SUFU: variants seen among roughly 807,000 people sequenced by gnomAD.
The protein encoded by SUFU is SUFU negative regulator of hedgehog signaling.
SUFU carries 7 observed loss-of-function variants against 58.9 expected under a neutral mutation model. The ratio of observed to expected loss-of-function variants is 0.12; its 90% CI spans 0.07 to 0.22. The LOEUF (loss-of-function observed/expected upper bound fraction) is 0.22, where lower values mean the gene tolerates loss of function less well. Ranked by LOEUF, SUFU falls within the 10% of genes least tolerant of loss-of-function variation. SUFU has a pLI of 1.00. For synonymous variants in SUFU, 232 were observed against 254.8 expected (o/e 0.91, Z 0.85); for missense variants, 451 against 641.3 (o/e 0.70, Z 3.20).
intron 2 of SUFU, 87 bp downstream of exon 2, chr10:102,509,390 A>G: frequency 1.9e-6 from 3 of 1,566,438 alleles, no homozygotes; most frequent in Non-Finnish European, 2.6e-6. Flanking sequence ...TGCTGTGAGC[A>G]TGGTACTTCT....
At chr10:102,620,768 C>T (rs569848264) in intron 10 of SUFU, among the ~76,000 whole-genome samples, 32 of 152,178 alleles carry the variant, frequency 2.1e-4, no homozygotes, top group Non-Finnish European at 4.3e-4. Flanking sequence ...CTCCCTTGAG[C>T]CTGTCAACAC....
chr10:102,590,053 A>G (rs1258310623), intron 3 of SUFU, among the ~76,000 whole-genome samples: 1 of 149,054 alleles, frequency 6.7e-6, no homozygotes, highest in African/African-American at 2.5e-5. Flanking sequence ...TCTGTATTAC[A>G]TTGATTTTCT....
chr10:102,535,439 T>C (rs1356217367), intron 2 of SUFU, among the ~76,000 whole-genome samples: 2 of 150,830 alleles, frequency 1.3e-5, no homozygotes, highest in Non-Finnish European at 2.9e-5. Context: ...TGAGCCCAGA[T>C]TGCACCACTG....
rs1378925159 is a variant in SUFU at position 102,580,027 on chromosome 10, G to GCCCCC, written c.455-12554_455-12553insCCCCC. ...GAATCTGTTTTGGGTCTCCTCCCCC[G>GCCCCC]CACCCCCCCCCCGCCCCCAGTTTGT... is the stretch of plus-strand genomic sequence containing the variant. On this transcript the variant is annotated intron_variant, in intron 3 of 11. Coordinates refer to ENST00000369902, the MANE Select transcript of SUFU (RefSeq NM_016169.4). Among the ~76,000 whole-genome samples, 176 of 41,786 alleles carry GCCCCC rather than the reference G, an allele frequency of 4.2e-3. 1 individual carries two copies. The highest frequency in any genetic ancestry group is 5.4e-3 in the Non-Finnish European group (111 of 20,480). 27.4% of individuals were successfully genotyped at this position (41,786 alleles called of 152,430 possible).
chr10:102,598,788 T>C (rs1435490238), intron 7 of SUFU, among the ~76,000 whole-genome samples: 2 of 152,200 alleles, frequency 1.3e-5, no homozygotes, highest in Non-Finnish European at 2.9e-5. Flanking sequence ...CAAATCTCAA[T>C]ACAGGGGACC....
intron 3 of SUFU, among the ~76,000 whole-genome samples, chr10:102,569,869 A>G (rs2135798710): frequency 6.6e-6 from 1 of 152,352 alleles, no homozygotes; most frequent in South Asian, 2.1e-4. Context: ...TCTATGAGGA[A>G]TGACTATAAA....
At chr10:102,527,669 T>C (rs1039563906) in intron 2 of SUFU, among the ~76,000 whole-genome samples, 2 of 152,166 alleles carry the variant, frequency 1.3e-5, no homozygotes, top group Non-Finnish European at 2.9e-5. Flanking sequence ...GGGAATATTA[T>C]TACCATTTAG....
rs1039565610 is a variant in SUFU at position 102,619,383 on chromosome 10, C to T, written c.1296+1955C>T. On this transcript the variant is annotated intron_variant, in intron 10 of 11. Coordinates refer to ENST00000369902, the MANE Select transcript of SUFU (RefSeq NM_016169.4). The surrounding 1 kb of genome is among the most constrained non-coding windows in gnomAD (Gnocchi z 4.2). ...CATGGTCCCCTCCCATGGGCTGTTG[C>T]CCAGGGAACCGGGGCGCGGTGGGAA... 12 of 1,394,530 alleles carry T rather than the reference C, an allele frequency of 8.6e-6. No homozygotes were observed. The highest frequency in any genetic ancestry group is 1.1e-5 in the Non-Finnish European group (12 of 1,074,332). 86.4% of individuals were successfully genotyped at this position (1,394,530 alleles called of 1,614,324 possible).
At chr10:102,627,274 G>C in intron 11 of SUFU, 31 bp downstream of exon 11, 1 of 1,596,520 alleles carries the variant, frequency 6.3e-7, no homozygotes, top group Non-Finnish European at 8.6e-7. Flanking sequence ...CTGACAACAG[G>C]TCCCGTCTCT....
rs566110999 is a variant in SUFU, at chr10:102,600,366, A to G, written c.1022+822A>G. 1.7e-4 allele frequency among the ~76,000 whole-genome samples: 26 copies of G among 152,318 alleles called. 1 individual carries two copies. The South Asian group carries it at 5.0e-3, about 29-fold the overall frequency. On this transcript the variant is annotated intron_variant, in intron 8 of 11. Transcript: ENST00000369902. ...GACCAGGGTGATCTAGCCTTCTTCT[A>G]TGAAGTCTTTATTACACATTTGCTG...
chr10:102,527,462 ATAG>A (rs1214037562), intron 2 of SUFU, among the ~76,000 whole-genome samples: 1 of 151,374 alleles, frequency 6.6e-6, no homozygotes, highest in Non-Finnish European at 1.5e-5. Context: ...CAAAAAGGAA[ATAG>A]TAGCAAAAGT....
chr10:102,607,060 A>AT (rs34836365), intron 8 of SUFU, among the ~76,000 whole-genome samples: 63,772 of 143,890 alleles, frequency 0.44, 14,179 homozygotes, highest in East Asian at 0.66. Flanking sequence ...GGTAAGAGTA[A>AT]TTTTTTTTTT....
At chr10:102,578,984 A>G (rs897041292) in intron 3 of SUFU, among the ~76,000 whole-genome samples, 1 of 152,136 alleles carries the variant, frequency 6.6e-6, no homozygotes, top group Non-Finnish European at 1.5e-5. Flanking sequence ...GCTCAGTTAC[A>G]AGCTTGTGGG....
intron 2 of SUFU, among the ~76,000 whole-genome samples, chr10:102,549,456 C>G (rs1313634804): frequency 6.6e-6 from 1 of 152,198 alleles, no homozygotes; most frequent in African/African-American, 2.4e-5. Flanking sequence ...TATCTCCCAC[C>G]TGGTTCCTCC....
chr10:102,607,580 C>T (rs1358686564), intron 8 of SUFU, among the ~76,000 whole-genome samples: 7 of 152,132 alleles, frequency 4.6e-5, no homozygotes, highest in Admixed American at 4.6e-4. Context: ...GAGCTAAAAG[C>T]TCATCTTCCC....
intron 10 of SUFU, among the ~76,000 whole-genome samples, chr10:102,624,025 C>G (rs1432932738): frequency 6.6e-6 from 1 of 152,192 alleles, no homozygotes; most frequent in African/African-American, 2.4e-5. Context: ...ACCTCCCTAG[C>G]AGAACTGCCA....
chr10:102,523,299 C>T (rs369743193), intron 2 of SUFU, among the ~76,000 whole-genome samples: 7 of 152,294 alleles, frequency 4.6e-5, no homozygotes, highest in Admixed American at 6.5e-5. Context: ...CTAGTACTAA[C>T]CCTCATGTGA....
chr10:102,504,026 G>C lies in SUFU; in HGVS notation c.-127G>C. The C allele has an allele frequency of 6.1e-6, 8 of 1,318,548 alleles. No individual in the cohort carries two copies. The highest frequency in any genetic ancestry group is 8.0e-6 in the Non-Finnish European group (8 of 999,522). 81.7% of individuals were successfully genotyped at this position (1,318,548 alleles called of 1,614,324 possible). ...ACAGTGCGCCGTGCGCAGGCGCGGA[G>C]CTAGACCTCGCTGCAGCCCCCATCG... On this transcript the variant is annotated 5_prime_UTR_variant, in exon 1 of 12. Transcript: ENST00000369902.
At chr10:102,578,151 C>CA (rs1363055705) in intron 3 of SUFU, among the ~76,000 whole-genome samples, 4 of 147,284 alleles carry the variant, frequency 2.7e-5, no homozygotes, top group African/African-American at 5.0e-5. Flanking sequence ...ACTAAAAATA[C>CA]AAAAAAATTA....
Sources: allele counts gnomAD v4.1 joint callset (sites outside exome capture counted in the v4.1 genomes callset), GRCh38; gene constraint gnomAD v4.1.1; non-coding constraint Gnocchi (gnomAD v3.1); transcripts MANE v1.5; gene names NCBI Gene and HGNC (gene_info 2026-07-23, HGNC 2026-07-21).